Variants in TYR observed in about 807,000 individuals in gnomAD.
TYR encodes the protein tyrosinase.
In TYR, 58 loss-of-function variants were observed where a neutral mutation model predicts 51.5. That is an observed-to-expected ratio of 1.13 (90% CI 0.91 to 1.40). The LOEUF is 1.40. Among genes scored for constraint, TYR ranks in the 40% most tolerant of loss-of-function variants. TYR has a pLI of 0.00. For synonymous variants in TYR, 263 were observed against 235.2 expected (o/e 1.12, Z -1.08); for missense variants, 732 against 647.4 (o/e 1.13, Z -1.42).
At chr11:89,270,706 A>G (rs1944579084) in intron 3 of TYR, among the ~76,000 whole-genome samples, 1 of 151,916 alleles carries the variant, frequency 6.6e-6, no homozygotes. Flanking sequence ...TTAATCTTAA[A>G]TAATTTAATC....
chr11:89,282,373 T>C (rs1364414730), intron 3 of TYR, among the ~76,000 whole-genome samples: 1 of 151,876 alleles, frequency 6.6e-6, no homozygotes, highest in African/African-American at 2.4e-5. Flanking sequence ...AAAAATTTAA[T>C]TTACCAATTG....
chr11:89,239,366 A>G (rs948350696), intron 3 of TYR, among the ~76,000 whole-genome samples: 30 of 151,970 alleles, frequency 2.0e-4, no homozygotes, highest in African/African-American at 6.8e-4. Context: ...CGTTGTTCTT[A>G]GTAGTCTCTT....
intron 1 of TYR, among the ~76,000 whole-genome samples, chr11:89,189,364 T>G (rs1387593274): frequency 6.6e-6 from 1 of 151,972 alleles, no homozygotes; most frequent in Non-Finnish European, 1.5e-5. Flanking sequence ...ATTTCTACAA[T>G]GAAAATCACC....
chr11:89,295,064 G>A lies in TYR; in HGVS notation c.1367-79G>A, dbSNP rs1944891171. 1.9e-6 allele frequency: 3 copies of A among 1,581,572 alleles called. No homozygotes were observed. The East Asian group carries it at 6.9e-5, about 36-fold the overall frequency. On this transcript the variant is annotated intron_variant, in intron 4 of 4. Transcript: ENST00000263321. ...TCAAACCCAGGTGTCTACTCCAAAG[G>A]ACTGTGAAAGGATGAAGATGATGGT...
intron 2 of TYR, among the ~76,000 whole-genome samples, chr11:89,204,825 A>G (rs896642111): frequency 1.6e-5 from 2 of 128,616 alleles, no homozygotes; most frequent in Admixed American, 1.5e-4. Flanking sequence ...TCCTTGAATT[A>G]AAAAAAAAAA....
chr11:89,294,984 G>GT (rs2135332369), intron 4 of TYR, among the ~76,000 whole-genome samples, 159 bp from the exon 5 acceptor site: 1 of 152,306 alleles, frequency 6.6e-6, no homozygotes, highest in South Asian at 2.1e-4. Flanking sequence ...AGGCTTTGGA[G>GT]TATTAGGTGT....
chr11:89,287,065 T>A (rs1377756171), intron 4 of TYR, among the ~76,000 whole-genome samples: 1 of 151,858 alleles, frequency 6.6e-6, no homozygotes, highest in Non-Finnish European at 1.5e-5. Context: ...TTTATACTTA[T>A]AGTGATGTTT....
chr11:89,194,107 A>T (rs996792053), intron 2 of TYR, among the ~76,000 whole-genome samples: 1 of 152,140 alleles, frequency 6.6e-6, no homozygotes, highest in Non-Finnish European at 1.5e-5. Flanking sequence ...CCTCTCCAAA[A>T]TAGAATCTAG....
intron 2 of TYR, among the ~76,000 whole-genome samples, chr11:89,197,741 C>CT (rs1943540373): frequency 6.6e-6 from 1 of 151,922 alleles, no homozygotes; most frequent in African/African-American, 2.4e-5. Context: ...CGGTGACTGA[C>CT]TGTAAGGCAG....
intron 2 of TYR, among the ~76,000 whole-genome samples, chr11:89,223,552 G>A (rs564721635): frequency 1.1e-4 from 17 of 152,124 alleles, no homozygotes; most frequent in East Asian, 3.9e-4. Context: ...AAATTCCCTC[G>A]TAGGTTTTTT....
At position 89,205,166 on chromosome 11, in the gene TYR, G is replaced by A. The variant is rs552563300; in HGVS notation, c.1036+13748G>A. On this transcript the variant is annotated intron_variant, in intron 2 of 4. Transcript: ENST00000263321. ...CAACAGCAGAATGGAGAGGAAAGAAGAAAGAATAAGTGAACTGGAAGATAG... is the reference window on the plus strand; with the variant it reads ...CAACAGCAGAATGGAGAGGAAAGAAAAAAGAATAAGTGAACTGGAAGATAG... Among the ~76,000 whole-genome samples, 19 of 152,000 alleles carry A rather than the reference G, an allele frequency of 1.3e-4. 1 individual carries two copies. In the South Asian group the frequency reaches 3.9e-3, roughly 32 times the overall value.
At chr11:89,261,408 T>C (rs1944454841) in intron 3 of TYR, among the ~76,000 whole-genome samples, 1 of 152,112 alleles carries the variant, frequency 6.6e-6, no homozygotes, top group Non-Finnish European at 1.5e-5. Context: ...AGAGCTTGAA[T>C]AGGTATACTA....
At chr11:89,197,298 G>GAA (rs1240721013) in intron 2 of TYR, among the ~76,000 whole-genome samples, 1 of 151,826 alleles carries the variant, frequency 6.6e-6, no homozygotes, top group Admixed American at 6.6e-5. Flanking sequence ...CTTCTTGAAG[G>GAA]AAAAAAACAC....
chr11:89,233,681 A>C, intron 3 of TYR, among the ~76,000 whole-genome samples: 1 of 142,232 alleles, frequency 7.0e-6, no homozygotes, highest in South Asian at 2.3e-4. Flanking sequence ...TCTTCCTCAG[A>C]GATTTTGGGT....
At chr11:89,193,106 A>G (rs1276232939) in intron 2 of TYR, among the ~76,000 whole-genome samples, 1 of 152,206 alleles carries the variant, frequency 6.6e-6, no homozygotes, top group Non-Finnish European at 1.5e-5. Flanking sequence ...CAAAGTCACC[A>G]TCTGGGAGGA....
chr11:89,203,742 G>A (rs1943630811), intron 2 of TYR, among the ~76,000 whole-genome samples: 1 of 151,834 alleles, frequency 6.6e-6, no homozygotes. Flanking sequence ...AACACCCAGA[G>A]GTACAAACAA....
intron 2 of TYR, among the ~76,000 whole-genome samples, chr11:89,196,456 C>T (rs12807810): frequency 0.2 from 30,502 of 152,034 alleles, 4,501 homozygotes; most frequent in African/African-American, 0.42. Flanking sequence ...AACTTCTTGG[C>T]GTTTAATGGT....
intron 2 of TYR, among the ~76,000 whole-genome samples, chr11:89,209,309 T>C (rs1237171266): frequency 6.6e-6 from 1 of 152,176 alleles, no homozygotes; most frequent in African/African-American, 2.4e-5. Flanking sequence ...GCTCAGCAGG[T>C]CCTGTGCCCA....
chr11:89,178,015 C>G lies in TYR; in HGVS notation c.62C>G (p.Pro21Arg), dbSNP rs752825107. The change falls in exon 1 of 5, where the codon CCT becomes CGT. Residue 21 changes from proline to arginine, a missense_variant. Coordinates refer to ENST00000263321, the MANE Select transcript of TYR (RefSeq NM_000372.5). ...TTCCAGACCTCCGCTGGCCATTTCC[C>G]TAGAGCCTGTGTCTCCTCTAAGAAC... ...WSFQTSAGHFPRACVSSKNLM... is the reference protein window; with the variant it reads ...WSFQTSAGHFRRACVSSKNLM... The G allele has an allele frequency of 1.9e-6, 3 of 1,614,174 alleles. No individual in the cohort carries two copies. Among genetic ancestry groups the G allele is most frequent in the Non-Finnish European group, 1.7e-6 (2 of 1,180,020 alleles).
Sources: allele counts gnomAD v4.1 joint callset (sites outside exome capture counted in the v4.1 genomes callset), GRCh38; gene constraint gnomAD v4.1.1; transcripts MANE v1.5; gene names NCBI Gene and HGNC (gene_info 2026-07-23, HGNC 2026-07-21).